Variants in PSMC3 observed in about 807,000 individuals in gnomAD.
The protein encoded by PSMC3 is proteasome 26S subunit, ATPase 3, also known as 26S proteasome regulatory subunit 6A.
In PSMC3, 11 loss-of-function variants were observed where a neutral mutation model predicts 52.0. The observed-to-expected ratio is 0.21, with a 90% CI of 0.13 to 0.35. The LOEUF is 0.35. Ranked by LOEUF, PSMC3 falls within the 10% of genes least tolerant of loss-of-function variation. The pLI is 1.00. For missense variants in PSMC3, 238 were observed against 567.1 expected (o/e 0.42, Z 5.89); for synonymous variants, 201 against 218.8 (o/e 0.92, Z 0.72).
chr11:47,419,675 A>C (rs71475912), intron 10 of PSMC3, among the ~76,000 whole-genome samples: 14,992 of 152,102 alleles, frequency 0.099, 980 homozygotes, highest in Non-Finnish European at 0.15. Context: ...CTGGCTAACA[A>C]GGTGAAACCT....
chr11:47,420,856 C>A, intron 8 of PSMC3, 129 bp from the exon 9 acceptor site: 1 of 713,464 alleles, frequency 1.4e-6, no homozygotes, highest in Non-Finnish European at 2.4e-6. Context: ...TTGGGGCCCC[C>A]AGCCCAGGGA....
chr11:47,425,610 G>C (rs1182962188), intron 2 of PSMC3: 1 of 544,424 alleles, frequency 1.8e-6, no homozygotes, highest in African/African-American at 1.9e-5. Flanking sequence ...AAGGATTCTT[G>C]AGAGGATTAT....
In PSMC3 at chr11:47,424,547, G is replaced by C. The variant is rs781157670; in HGVS notation, c.391-56C>G. On this transcript the variant is annotated intron_variant, in intron 4 of 11. Transcript: ENST00000298852. This position sits in a 1 kb window ranked among gnomAD's most constrained non-coding sequence, Gnocchi z 4.8. ...TAGTGTCCTCAGGGAAGGCTCCCTAGTCCTGTCCCACATCCGCTCCTCACC... is the reference window on the plus strand; with the variant it reads ...TAGTGTCCTCAGGGAAGGCTCCCTACTCCTGTCCCACATCCGCTCCTCACC... 8.7e-6 allele frequency: 14 copies of C among 1,606,446 alleles called. No homozygotes were observed. In the African/African-American group the frequency reaches 1.9e-4, roughly 21 times the overall value.
At chr11:47,420,829 G>T in intron 8 of PSMC3, 102 bp from the exon 9 acceptor site, 1 of 1,046,484 alleles carries the variant, frequency 9.6e-7, no homozygotes, top group East Asian at 2.6e-5. Flanking sequence ...CCAGGGCAGG[G>T]AAATGGCTCA....
Position 47,425,567 on chromosome 11 carries a change from T to C in PSMC3, c.159+300A>G, listed in dbSNP as rs1595892991. 2.2e-5 allele frequency: 12 copies of C among 537,252 alleles called. No individual in the cohort carries two copies. The East Asian group carries it at 3.6e-4, about 16-fold the overall frequency. 33.3% of individuals were successfully genotyped at this position (537,252 alleles called of 1,614,324 possible). ...CAGTACAAACCTCTCTGGGCCTGTC[T>C]CCTCATCTGTAAAATAGGCATTTTA... On this transcript the variant is annotated intron_variant, in intron 2 of 11. Coordinates refer to ENST00000298852, the MANE Select transcript of PSMC3 (RefSeq NM_002804.5).
At chr11:47,421,915 G>C (rs1423026031) in intron 8 of PSMC3, among the ~76,000 whole-genome samples, 2 of 152,118 alleles carry the variant, frequency 1.3e-5, no homozygotes, top group African/African-American at 4.8e-5. Flanking sequence ...GCCTTCCAAA[G>C]TGTAGGGAAT....
At chr11:47,423,032 C>T (rs1056187810) in intron 6 of PSMC3, 59 bp from the exon 7 acceptor site, 4 of 1,506,574 alleles carry the variant, frequency 2.7e-6, no homozygotes, top group East Asian at 2.3e-5. Context: ...ACAGCCCAAC[C>T]CTTCATGGCT....
chr11:47,420,326 C>T lies in PSMC3; in HGVS notation c.1065G>A (p.Pro355=), dbSNP rs527276346. ...TGGCCCGGGCCTCCTCATTGGGCAT[C>T]GGGAACTCTATCTTGCGGTCAAGGC... The part of the protein sequence containing the change: ...SGRLDRKIEF[P]MPNEEARARI... Residue 355 remains proline (P), a synonymous_variant, in exon 10 of 12, where the codon CCG becomes CCA. Coordinates refer to ENST00000298852, the MANE Select transcript of PSMC3 (RefSeq NM_002804.5). 4.8e-5 allele frequency: 77 copies of T among 1,614,162 alleles called. 1 individual carries two copies. In the South Asian group the frequency reaches 6.0e-4, roughly 13 times the overall value.
At chr11:47,420,800 G>C in intron 8 of PSMC3, 73 bp from the exon 9 acceptor site, 1 of 1,406,080 alleles carries the variant, frequency 7.1e-7, no homozygotes, top group Non-Finnish European at 9.8e-7. Context: ...CTACCCCCTG[G>C]AAGCCTAACC....
chr11:47,421,026 C>G (rs1182798235), intron 8 of PSMC3, among the ~76,000 whole-genome samples: 2 of 152,096 alleles, frequency 1.3e-5, no homozygotes, highest in Non-Finnish European at 2.9e-5. Flanking sequence ...GGGCCTATCA[C>G]CTGAGGTCAG....
rs753989041 is a variant in PSMC3, at chr11:47,426,291, G to A, written c.-12C>T. On this transcript the variant is annotated 5_prime_UTR_variant, in exon 1 of 12. Coordinates refer to ENST00000298852, the MANE Select transcript of PSMC3 (RefSeq NM_002804.5). The stretch of plus-strand genomic sequence containing the variant: ...GGCAGCAGATTCATTTCCTGGAGGA[G>A]CGGGCAGAAGATGGGACCAGGCGGG... 42 of 1,550,140 alleles carry A rather than the reference G, an allele frequency of 2.7e-5. No homozygotes were observed. Among genetic ancestry groups the A allele is most frequent in the Non-Finnish European group, 4.4e-6 (5 of 1,146,126 alleles).
chr11:47,418,971 G>C (rs752831700), intron 11 of PSMC3, 26 bp from the exon 12 acceptor site: 4 of 1,612,602 alleles, frequency 2.5e-6, no homozygotes, highest in East Asian at 4.5e-5. Flanking sequence ...ACAGAGTCTA[G>C]GTCTGAACGC....
Position 47,425,176 on chromosome 11 carries a change from C to T in PSMC3, c.230G>A (p.Ser77Asn), listed in dbSNP as rs148236529. The T allele has an allele frequency of 1.4e-5, 22 of 1,614,094 alleles. No individual in the cohort carries two copies. In the African/African-American group the frequency reaches 2.9e-4, roughly 22 times the overall value. Residue 77 changes from serine to asparagine, a missense_variant, in exon 3 of 12, where the codon AGT becomes AAT. Coordinates refer to ENST00000298852, the MANE Select transcript of PSMC3 (RefSeq NM_002804.5). Reference protein sequence around the residue: ...QAMKDKIKENSEKIKVNKTLP... With the variant: ...QAMKDKIKENNEKIKVNKTLP... ...GGTCTTGTTCACTTTGATTTTCTCA[C>T]TGTTCTCTTTTATCTTGTCCTTCAT...
rs771734810 is a variant in PSMC3 at position 47,418,859 on chromosome 11, T to G, written c.1296A>C (p.Lys432Asn). 6.2e-7 allele frequency: 1 copy of G among 1,614,194 alleles called. No individual in the cohort carries two copies. The highest frequency in any genetic ancestry group is 2.2e-5 in the East Asian group (1 of 44,890). ...EGILEVQAKK[K>N]ANLQYYA ...CCTAGGCGTAGTATTGTAGGTTGGC[T>G]TTCTTCTTGGCCTGCACCTCCAGGA... Residue 432 changes from lysine (K) to asparagine (N), a missense_variant, in exon 12 of 12, where the codon AAA (lysine) becomes AAC (asparagine). Around this residue, in one of 6 missense-constraint regions of PSMC3, gnomAD observed 23 missense variants for 64.6 expected, o/e 0.36. Transcript: ENST00000298852.
chr11:47,422,852 C>A lies in PSMC3; in HGVS notation c.713G>T (p.Arg238Leu). The change falls in exon 7 of 12, where the codon CGG (arginine) becomes CTG (leucine). Residue 238 changes from arginine (R) to leucine (L), a missense_variant. Arg to Leu is a moderately radical substitution (Grantham distance 102). Transcript: ENST00000298852. The surrounding 1 kb of genome is among the most constrained non-coding windows in gnomAD (Gnocchi z 4.3). ...PPGTGKTLLA[R>L]ACAAQTKATF... is the part of the protein sequence containing the mutation. The stretch of plus-strand genomic sequence containing the variant: ...CACCTTAGTCTGTGCGGCACAGGCC[C>A]GGGCCAGGAGGGTCTTCCCCGTCCC... 1 of 1,611,896 alleles carries A rather than the reference C, an allele frequency of 6.2e-7. No individual in the cohort carries two copies.
At position 47,420,530 on chromosome 11, in the gene PSMC3, G is replaced by A; in HGVS notation, c.981+101C>T. 2.0e-6 allele frequency: 3 copies of A among 1,510,580 alleles called. No homozygotes were observed. In the South Asian group the frequency reaches 3.6e-5, roughly 18 times the overall value. The allele number at this position is 1,510,580 out of a possible 1,614,324, so 93.6% of individuals were successfully genotyped here. A position where few individuals can be genotyped will look rare whatever the true frequency, so the allele number is the denominator to read the frequency against. The stretch of plus-strand genomic sequence containing the variant: ...TGAGACACATGGGATGTTAAAGACA[G>A]ATCCCAATTCTCATTCCAGCTCCAC... On this transcript the variant is annotated intron_variant, in intron 9 of 11. Coordinates refer to ENST00000298852, the MANE Select transcript of PSMC3 (RefSeq NM_002804.5).
chr11:47,419,259 T>A, intron 10 of PSMC3, 62 bp from the exon 11 acceptor site: 1 of 1,552,970 alleles, frequency 6.4e-7, no homozygotes, highest in South Asian at 1.1e-5. Flanking sequence ...AGGGGCCAAA[T>A]ATCCTCCCCT....
Position 47,424,776 on chromosome 11 carries a change from C to T in PSMC3, c.286-65G>A. On this transcript the variant is annotated intron_variant, in intron 3 of 11. Transcript: ENST00000298852. This position sits in a 1 kb window ranked among gnomAD's most constrained non-coding sequence, Gnocchi z 4.8. ...GGCCCAGTGCTTCCTAAGACAGTTC[C>T]TAATACCTGCAGGGCTGGCCATCCT... 3 of 1,376,954 alleles carry T rather than the reference C, an allele frequency of 2.2e-6. No homozygotes were observed. The South Asian group carries it at 3.5e-5, about 16-fold the overall frequency. The allele number at this position is 1,376,954 out of a possible 1,614,324, so 85.3% of individuals were successfully genotyped here.
At position 47,424,745 on chromosome 11, in the gene PSMC3, C is replaced by A; in HGVS notation, c.286-34G>T. ...GAAAAAATACTCAGCTCCTTGAACT[C>A]CCCAAGGCCCAGTGCTTCCTAAGAC... is the stretch of plus-strand genomic sequence containing the variant. On this transcript the variant is annotated intron_variant, in intron 3 of 11. Coordinates refer to ENST00000298852, the MANE Select transcript of PSMC3 (RefSeq NM_002804.5). The surrounding 1 kb of genome is among the most constrained non-coding windows in gnomAD (Gnocchi z 4.8). 2 of 1,516,784 alleles carry A rather than the reference C, an allele frequency of 1.3e-6. No individual in the cohort carries two copies. The highest frequency in any genetic ancestry group is 2.2e-5 in the South Asian group (2 of 89,102). 94.0% of individuals were successfully genotyped at this position (1,516,784 alleles called of 1,614,324 possible).
Sources: gnomAD v4.1 joint callset for allele counts (sites outside exome capture counted in the v4.1 genomes callset) on GRCh38, gnomAD v4.1.1 for gene constraint, gnomAD v4.1.1 regional missense constraint, Gnocchi (gnomAD v3.1) non-coding constraint, MANE v1.5 for transcripts, NCBI Gene and HGNC (gene_info 2026-07-23, HGNC 2026-07-21) for gene names.